The following ARHGAP15 variants were observed in gnomAD, a reference collection of about 807,000 sequenced individuals.
ARHGAP15 encodes the protein rho GTPase-activating protein 15.
ARHGAP15 carries 51 observed loss-of-function variants against 63.7 expected under a neutral mutation model. The observed-to-expected ratio is 0.80, with a 90% CI of 0.64 to 1.01. The LOEUF (loss-of-function observed/expected upper bound fraction) is 1.01. ARHGAP15 is among the 50% of genes least tolerant of loss of function. The probability of loss-of-function intolerance (pLI) is 0.00; values close to 1 mark genes in which losing one functional copy is unlikely to be tolerated. For synonymous variants in ARHGAP15, 191 were observed against 193.8 expected, an observed-to-expected ratio of 0.99 and a Z score of 0.12; for missense variants, 560 against 564.6, an observed-to-expected ratio of 0.99 and a Z score of 0.08.
intron 8 of ARHGAP15, among the ~76,000 whole-genome samples, chr2:143,438,590 A>T (rs1689721779): frequency 6.6e-6 from 1 of 152,192 alleles, no homozygotes; most frequent in Non-Finnish European, 1.5e-5. Context: ...GGAGTTTAAG[A>T]TTATCAGTGT....
chr2:143,759,785 T>C (rs867007158), intron 13 of ARHGAP15, among the ~76,000 whole-genome samples: 1 of 152,186 alleles, frequency 6.6e-6, no homozygotes, highest in South Asian at 2.1e-4. Context: ...CTCCGTCTAA[T>C]ACACGTAGCA....
intron 13 of ARHGAP15, among the ~76,000 whole-genome samples, chr2:143,719,123 G>A (rs985984490): frequency 6.6e-6 from 1 of 152,202 alleles, no homozygotes; most frequent in African/African-American, 2.4e-5. Flanking sequence ...CAAGACATAG[G>A]TTGGTTCTCT....
chr2:143,134,126 TCTATCTATCTATCTATCTATCTATCTAC>T lies in ARHGAP15; in HGVS notation c.-15+4674_-15+4701del, dbSNP rs1428334311. Among the ~76,000 whole-genome samples the T allele has an allele frequency of 6.5e-3, 214 of 32,814 alleles. 1 individual carries two copies. The highest frequency in any genetic ancestry group is 0.013 in the African/African-American group (209 of 16,526). 21.5% of individuals were successfully genotyped at this position (32,814 alleles called of 152,430 possible). On this transcript the variant is annotated intron_variant, in intron 1 of 13. Coordinates refer to ENST00000295095, the MANE Select transcript of ARHGAP15 (RefSeq NM_018460.4). ...GAAAATCTATCTATCTATCTATCTA[TCTATCTATCTATCTATCTATCTATCTAC>T]CTATCTATCTATCATCTATCTATCT... is the stretch of plus-strand genomic sequence containing the variant.
intron 11 of ARHGAP15, among the ~76,000 whole-genome samples, chr2:143,564,903 G>C (rs895892696): frequency 6.6e-6 from 1 of 152,134 alleles, no homozygotes; most frequent in East Asian, 1.9e-4. Flanking sequence ...ACGAAACTAA[G>C]GGGTAAATAA....
At chr2:143,463,719 C>G (rs1212429975) in intron 8 of ARHGAP15, among the ~76,000 whole-genome samples, 1 of 152,076 alleles carries the variant, frequency 6.6e-6, no homozygotes, top group Non-Finnish European at 1.5e-5. Context: ...TAAATTTTGC[C>G]TTTTGTAAAA....
intron 10 of ARHGAP15, among the ~76,000 whole-genome samples, chr2:143,552,569 G>A (rs1039562346): frequency 8.8e-5 from 7 of 79,860 alleles, no homozygotes; most frequent in African/African-American, 1.9e-4. Context: ...AAGTCGGGGT[G>A]GGGAGGCAGG....
At chr2:143,726,249 C>T (rs998327191) in intron 13 of ARHGAP15, among the ~76,000 whole-genome samples, 1 of 152,168 alleles carries the variant, frequency 6.6e-6, no homozygotes, top group African/African-American at 2.4e-5. Context: ...ATGCACCCTA[C>T]TTGTAATGGG....
intron 6 of ARHGAP15, among the ~76,000 whole-genome samples, chr2:143,313,876 G>T (rs1020743834): frequency 1.3e-5 from 2 of 151,690 alleles, no homozygotes; most frequent in Non-Finnish European, 2.9e-5. Flanking sequence ...GTTGTACTTT[G>T]ATTTTTAAGA....
chr2:143,586,532 C>G (rs1697115784), intron 11 of ARHGAP15, among the ~76,000 whole-genome samples: 2 of 151,952 alleles, frequency 1.3e-5, no homozygotes, highest in African/African-American at 4.8e-5. Context: ...TGTTTTCAGT[C>G]ATGCATATTT....
At chr2:143,451,713 C>T (rs1690416536) in intron 8 of ARHGAP15, among the ~76,000 whole-genome samples, 1 of 151,880 alleles carries the variant, frequency 6.6e-6, no homozygotes, top group South Asian at 2.1e-4. Context: ...AAGATGTGCC[C>T]TGTGTTTTTC....
At chr2:143,300,910 G>A (rs1488454668) in intron 6 of ARHGAP15, among the ~76,000 whole-genome samples, 1 of 151,974 alleles carries the variant, frequency 6.6e-6, no homozygotes, top group Non-Finnish European at 1.5e-5. Flanking sequence ...AAGTTTGGTA[G>A]CAACTGCACC....
At chr2:143,664,865 A>G (rs1682068137) in intron 12 of ARHGAP15, among the ~76,000 whole-genome samples, 1 of 152,226 alleles carries the variant, frequency 6.6e-6, no homozygotes, top group Non-Finnish European at 1.5e-5. Context: ...AGACTAAACC[A>G]GGAAGAAGTT....
chr2:143,388,474 TG>T (rs1315741552), intron 6 of ARHGAP15, among the ~76,000 whole-genome samples: 3 of 152,202 alleles, frequency 2.0e-5, no homozygotes, highest in Non-Finnish European at 4.4e-5. Flanking sequence ...GATGGGTTTA[TG>T]GGAGAGAGAC....
At chr2:143,410,302 T>C (rs1161514381) in intron 6 of ARHGAP15, among the ~76,000 whole-genome samples, 1 of 152,174 alleles carries the variant, frequency 6.6e-6, no homozygotes, top group Non-Finnish European at 1.5e-5. Context: ...TTTCATCAAC[T>C]ACTGATGTGG....
chr2:143,313,006 T>A (rs1403590966), intron 6 of ARHGAP15, among the ~76,000 whole-genome samples: 2 of 152,296 alleles, frequency 1.3e-5, no homozygotes, highest in African/African-American at 4.8e-5. Flanking sequence ...CAAGTCAGAA[T>A]GTTCTTCCCA....
intron 12 of ARHGAP15, among the ~76,000 whole-genome samples, chr2:143,682,123 T>C (rs1296751235): frequency 1.3e-5 from 2 of 152,232 alleles, no homozygotes; most frequent in Non-Finnish European, 2.9e-5. Flanking sequence ...GTCATTTCTA[T>C]ACAGTAGCAG....
chr2:143,136,981 C>T (rs1038097385), intron 1 of ARHGAP15, among the ~76,000 whole-genome samples: 1 of 152,052 alleles, frequency 6.6e-6, no homozygotes, highest in Non-Finnish European at 1.5e-5. Context: ...CTCCTCCCTG[C>T]TTCTATCTTC....
intron 6 of ARHGAP15, among the ~76,000 whole-genome samples, chr2:143,266,153 A>G (rs1355308800): frequency 6.6e-6 from 1 of 152,152 alleles, no homozygotes; most frequent in Non-Finnish European, 1.5e-5. Flanking sequence ...TATGGTTAGG[A>G]AACTGAATAA....
chr2:143,265,180 T>C (rs1680927042), intron 6 of ARHGAP15, among the ~76,000 whole-genome samples: 1 of 151,932 alleles, frequency 6.6e-6, no homozygotes, highest in African/African-American at 2.4e-5. Context: ...GATAGGATCT[T>C]TCTTGGCCTC....
Sources: allele counts gnomAD v4.1 joint callset (sites outside exome capture counted in the v4.1 genomes callset), GRCh38; gene constraint gnomAD v4.1.1; transcripts MANE v1.5; gene names NCBI Gene and HGNC (gene_info 2026-07-23, HGNC 2026-07-21).